COL8A1: variants seen among roughly 807,000 people sequenced by gnomAD.
COL8A1 encodes collagen type VIII alpha 1 chain, also known as collagen alpha-1(VIII) chain.
Under a neutral mutation model 42.7 loss-of-function variants are expected in COL8A1, and 21 were observed. The observed-to-expected ratio is 0.49, with a 90% CI of 0.35 to 0.71. The LOEUF is 0.71. Among genes scored for constraint, COL8A1 ranks in the 30% least tolerant of loss-of-function variants. The pLI, the probability that COL8A1 is intolerant of heterozygous loss-of-function variation, is 0.01. For missense variants in COL8A1, 788 were observed against 962.4 expected (o/e 0.82, Z 2.40); for synonymous variants, 367 against 369.1 (o/e 0.99, Z 0.06).
chr3:99,690,611 G>A (rs1939189087), intron 1 of COL8A1, among the ~76,000 whole-genome samples: 1 of 152,224 alleles, frequency 6.6e-6, no homozygotes, highest in East Asian at 1.9e-4. Context: ...GAAAGACAAT[G>A]TGGCAGTTAT....
intron 1 of COL8A1, among the ~76,000 whole-genome samples, chr3:99,711,086 T>C (rs1939821136): frequency 6.7e-6 from 1 of 149,518 alleles, no homozygotes; most frequent in Admixed American, 6.7e-5. Context: ...CTATAGGCAA[T>C]TTATTGTGAC....
At chr3:99,702,258 T>C (rs1270433171) in intron 1 of COL8A1, among the ~76,000 whole-genome samples, 1 of 152,052 alleles carries the variant, frequency 6.6e-6, no homozygotes, top group Non-Finnish European at 1.5e-5. Flanking sequence ...CTCCCCATAA[T>C]GGGAGAAATA....
At chr3:99,773,869 G>A (rs1204330339) in intron 2 of COL8A1, among the ~76,000 whole-genome samples, 1 of 42,198 alleles carries the variant, frequency 2.4e-5, no homozygotes, top group African/African-American at 8.9e-5. Context: ...TTTTGAGACC[G>A]AGTTTCACTG....
chr3:99,768,899 C>A lies in COL8A1; in HGVS notation c.-3-21781C>A, dbSNP rs1941522760. 2.0e-5 allele frequency among the ~76,000 whole-genome samples: 3 copies of A among 152,156 alleles called. No homozygotes were observed. The South Asian group carries it at 6.2e-4, about 32-fold the overall frequency. ...AAAGTTATTCACACACATGTGAATT[C>A]TAGGTTATTCATGTGTGTGAGTGAC... On this transcript the variant is annotated intron_variant, in intron 2 of 3. Transcript: ENST00000652472.
intron 2 of COL8A1, among the ~76,000 whole-genome samples, chr3:99,762,812 C>T (rs1340616055): frequency 6.6e-6 from 1 of 152,182 alleles, no homozygotes; most frequent in African/African-American, 2.4e-5. Context: ...AGTGTGGGCT[C>T]TGCATGGCAC....
intron 1 of COL8A1, among the ~76,000 whole-genome samples, chr3:99,742,857 T>C (rs1446976121): frequency 6.6e-6 from 1 of 152,172 alleles, no homozygotes; most frequent in Admixed American, 6.5e-5. Flanking sequence ...CCCCTTGTTT[T>C]ATTTTCACCA....
intron 2 of COL8A1, among the ~76,000 whole-genome samples, chr3:99,776,764 T>A (rs1386873494): frequency 6.6e-6 from 1 of 152,172 alleles, no homozygotes; most frequent in African/African-American, 2.4e-5. Flanking sequence ...CTTATAATTG[T>A]TTCTTGATTA....
chr3:99,729,152 T>C (rs906963780), intron 1 of COL8A1, among the ~76,000 whole-genome samples: 3 of 152,064 alleles, frequency 2.0e-5, no homozygotes, highest in Non-Finnish European at 4.4e-5. Context: ...GAAAATCTTA[T>C]AGGTATCTTC....
At chr3:99,680,956 A>T (rs1352976504) in intron 1 of COL8A1, among the ~76,000 whole-genome samples, 1 of 152,154 alleles carries the variant, frequency 6.6e-6, no homozygotes, top group Non-Finnish European at 1.5e-5. Flanking sequence ...CTGAAACTGG[A>T]TCCCTTCCTT....
At chr3:99,745,504 T>C (rs1284287388) in intron 2 of COL8A1, among the ~76,000 whole-genome samples, 2 of 152,224 alleles carry the variant, frequency 1.3e-5, no homozygotes, top group East Asian at 3.8e-4. Flanking sequence ...GTCATGTCTA[T>C]ATATGTTTTT....
chr3:99,770,287 C>T (rs1941553089), intron 2 of COL8A1, among the ~76,000 whole-genome samples: 1 of 152,150 alleles, frequency 6.6e-6, no homozygotes, highest in African/African-American at 2.4e-5. Flanking sequence ...GAGAGAAAGG[C>T]AGGAGAAGGT....
chr3:99,666,990 T>C (rs540509296), intron 1 of COL8A1, among the ~76,000 whole-genome samples: 1 of 152,228 alleles, frequency 6.6e-6, no homozygotes, highest in Non-Finnish European at 1.5e-5. Context: ...TTATTATATG[T>C]TATTATTTTA....
At chr3:99,779,398 C>G (rs1040861465) in intron 2 of COL8A1, among the ~76,000 whole-genome samples, 5 of 152,184 alleles carry the variant, frequency 3.3e-5, no homozygotes, top group African/African-American at 1.2e-4. Context: ...ATATGTATTA[C>G]TTGTGGATTT....
chr3:99,698,882 C>T (rs1939453708), intron 1 of COL8A1, among the ~76,000 whole-genome samples: 1 of 152,084 alleles, frequency 6.6e-6, no homozygotes, highest in Admixed American at 6.5e-5. Context: ...AAAGTGATGC[C>T]AATAACGTGA....
chr3:99,708,494 G>C (rs1440511274), intron 1 of COL8A1, among the ~76,000 whole-genome samples: 1 of 152,142 alleles, frequency 6.6e-6, no homozygotes, highest in Admixed American at 6.5e-5. Context: ...TCATTCTGAT[G>C]ATAAAACCTT....
At chr3:99,736,163 C>G (rs972803089) in intron 1 of COL8A1, among the ~76,000 whole-genome samples, 3 of 152,020 alleles carry the variant, frequency 2.0e-5, no homozygotes, top group African/African-American at 7.3e-5. Flanking sequence ...CAGTTCTGCT[C>G]CGATTTTAGT....
chr3:99,638,844 G>A (rs1937447118), intron 1 of COL8A1, among the ~76,000 whole-genome samples, 180 bp downstream of exon 1: 1 of 152,148 alleles, frequency 6.6e-6, no homozygotes, highest in Non-Finnish European at 1.5e-5. Flanking sequence ...TAAAATAAAA[G>A]CTCCTTCAGG....
chr3:99,651,278 T>G (rs1169078628), intron 1 of COL8A1, among the ~76,000 whole-genome samples: 1 of 152,242 alleles, frequency 6.6e-6, no homozygotes, highest in East Asian at 1.9e-4. Context: ...GTCTTCAATA[T>G]GACCATTTCT....
At chr3:99,760,387 G>A (rs948324626) in intron 2 of COL8A1, among the ~76,000 whole-genome samples, 2 of 152,188 alleles carry the variant, frequency 1.3e-5, no homozygotes, top group African/African-American at 2.4e-5. Flanking sequence ...AGTACAAACA[G>A]TGAGGTGGCT....
Sources: gnomAD v4.1 joint callset for allele counts (sites outside exome capture counted in the v4.1 genomes callset) on GRCh38, gnomAD v4.1.1 for gene constraint, MANE v1.5 for transcripts, NCBI Gene and HGNC (gene_info 2026-07-23, HGNC 2026-07-21) for gene names.